DPP6: variants seen among roughly 807,000 people sequenced by gnomAD.
DPP6 encodes the protein A-type potassium channel modulatory protein DPP6.
Under a neutral mutation model 122.6 loss-of-function variants are expected in DPP6, and 69 were observed. The ratio of observed to expected loss-of-function variants is 0.56; its 90% confidence interval spans 0.46 to 0.69. The LOEUF (loss-of-function observed/expected upper bound fraction) is 0.69. Among genes scored for constraint, DPP6 ranks in the 30% least tolerant of loss-of-function variants. The probability of loss-of-function intolerance (pLI) is 0.00; values close to 1 mark genes in which losing one functional copy is unlikely to be tolerated. For synonymous variants in DPP6, 418 were observed against 433.1 expected (o/e 0.97, Z 0.43); for missense variants, 928 against 1,116.9 (o/e 0.83, Z 2.41).
At chr7:154,005,401 AAC>A (rs1797870457) in intron 1 of DPP6, among the ~76,000 whole-genome samples, 1 of 152,056 alleles carries the variant, frequency 6.6e-6, no homozygotes, top group African/African-American at 2.4e-5. Flanking sequence ...AGAAAGGTCG[AAC>A]GCTTGGTGGT....
rs868793608 is a variant in DPP6 at position 154,017,515 on chromosome 7, C to T, written c.51+129781C>T. On this transcript the variant is annotated intron_variant, in intron 1 of 25. Coordinates refer to the DPP6 transcript ENST00000404039. Reference sequence around the variant, plus strand: ...TGAGACCAGCCTGGACAACATAGTACGGGCCTGTCTCTACAAAAAAAGAAA... The same window carrying T: ...TGAGACCAGCCTGGACAACATAGTATGGGCCTGTCTCTACAAAAAAAGAAA... Among the ~76,000 whole-genome samples, 97 of 151,558 alleles carry T rather than the reference C, an allele frequency of 6.4e-4. 1 individual carries two copies. The highest frequency in any genetic ancestry group is 2.5e-3 in the South Asian group (12 of 4,788).
At chr7:154,039,411 T>TG (rs1406081812) in intron 1 of DPP6, among the ~76,000 whole-genome samples, 1 of 111,422 alleles carries the variant, frequency 9.0e-6, no homozygotes, top group Non-Finnish European at 1.7e-5. Flanking sequence ...CATCTGAGGC[T>TG]GCTCTCCAAG....
chr7:154,020,819 A>G (rs1230850577), intron 1 of DPP6, among the ~76,000 whole-genome samples: 1 of 152,106 alleles, frequency 6.6e-6, no homozygotes, highest in African/African-American at 2.4e-5. Flanking sequence ...GCGGCAAGAG[A>G]AACATGAGGC....
At chr7:154,207,555 TG>T (rs1171802852) in intron 1 of DPP6, among the ~76,000 whole-genome samples, 3 of 152,220 alleles carry the variant, frequency 2.0e-5, no homozygotes, top group Non-Finnish European at 2.9e-5. Flanking sequence ...CTGCTGAGGC[TG>T]CATAGTTGCT....
intron 8 of DPP6, among the ~76,000 whole-genome samples, chr7:154,766,385 T>C (rs778927050): frequency 6.6e-6 from 1 of 152,148 alleles, no homozygotes; most frequent in Non-Finnish European, 1.5e-5. Flanking sequence ...TGGCAAGATC[T>C]CGGCTCACCG....
chr7:154,595,354 G>A (rs1032594088), intron 5 of DPP6, among the ~76,000 whole-genome samples: 6 of 152,256 alleles, frequency 3.9e-5, no homozygotes, highest in East Asian at 1.9e-4. Context: ...ATGCATGCCC[G>A]TGTTCCTGCC....
intron 1 of DPP6, among the ~76,000 whole-genome samples, chr7:154,278,135 C>T (rs1263926575): frequency 1.3e-5 from 2 of 152,166 alleles, no homozygotes; most frequent in Non-Finnish European, 2.9e-5. Flanking sequence ...TTCTGTGGAC[C>T]TGGGAGGGAG....
At chr7:154,747,552 T>G (rs1843091862) in intron 8 of DPP6, among the ~76,000 whole-genome samples, 1 of 152,218 alleles carries the variant, frequency 6.6e-6, no homozygotes, top group South Asian at 2.1e-4. Context: ...ATTGTGCGAA[T>G]CGCCATACTG....
chr7:154,310,168 GGGTCCTT>G (rs2150995914), intron 1 of DPP6, among the ~76,000 whole-genome samples: 1 of 152,326 alleles, frequency 6.6e-6, no homozygotes, highest in African/African-American at 2.4e-5. Flanking sequence ...ACACCAGAGT[GGGTCCTT>G]GAGCTGATGG....
intron 1 of DPP6, among the ~76,000 whole-genome samples, chr7:154,089,273 C>A (rs1054790457): frequency 6.7e-6 from 1 of 150,234 alleles, no homozygotes; most frequent in Non-Finnish European, 1.5e-5. Context: ...TGATTTTTTT[C>A]TTTCGTTTAA....
In DPP6 at chr7:154,854,614, A is replaced by C. The variant is rs138159610; in HGVS notation, c.1714+787A>C. Reference sequence around the variant, plus strand: ...TGCAGGCCGAAGACAGGTTAGGATCAAGGTTGAAGCCTGGTCAAGAAGAGG... The same window carrying C: ...TGCAGGCCGAAGACAGGTTAGGATCCAGGTTGAAGCCTGGTCAAGAAGAGG... On this transcript the variant is annotated intron_variant, in intron 17 of 25. Coordinates refer to ENST00000377770, the MANE Select transcript of DPP6 (RefSeq NM_130797.4). 2.4e-3 allele frequency among the ~76,000 whole-genome samples: 370 copies of C among 152,352 alleles called. 3 individuals carry two copies. Among genetic ancestry groups the C allele is most frequent in the African/African-American group, 8.6e-3 (358 of 41,582 alleles).
At chr7:154,250,407 G>A (rs1040719981) in intron 1 of DPP6, among the ~76,000 whole-genome samples, 4 of 152,146 alleles carry the variant, frequency 2.6e-5, no homozygotes, top group Admixed American at 2.0e-4. Context: ...GGGAGGGCGT[G>A]TGGGTGCGTG....
chr7:154,809,245 T>C (rs1215444241), intron 16 of DPP6, among the ~76,000 whole-genome samples: 1 of 151,650 alleles, frequency 6.6e-6, no homozygotes, highest in Non-Finnish European at 1.5e-5. Flanking sequence ...ATACAGGGTT[T>C]CTTTTTTTAA....
intron 2 of DPP6, among the ~76,000 whole-genome samples, chr7:154,462,295 G>T (rs1437224480): frequency 6.6e-6 from 1 of 152,102 alleles, no homozygotes; most frequent in Non-Finnish European, 1.5e-5. Flanking sequence ...CAGATAATAT[G>T]ATTCATCCAG....
intron 1 of DPP6, among the ~76,000 whole-genome samples, chr7:154,304,371 A>G (rs1012891646): frequency 2.6e-5 from 4 of 152,192 alleles, no homozygotes; most frequent in African/African-American, 9.6e-5. Context: ...CGCTCTACCC[A>G]CTAACTGACT....
rs557546287 is a variant in DPP6, at chr7:154,008,064, G to A, written c.51+120330G>A. Among the ~76,000 whole-genome samples, 11 of 152,178 alleles carry A rather than the reference G, an allele frequency of 7.2e-5. No homozygotes were observed. The South Asian group carries it at 8.3e-4, about 11-fold the overall frequency. On this transcript the variant is annotated intron_variant, in intron 1 of 25. Transcript: ENST00000404039. ...GTAGTTTCCACCACTATTAATGACC[G>A]TAAGGCAATGAATCTAAATAGTGAA...
Position 154,194,163 on chromosome 7 carries a change from G to C in DPP6, c.243+141100G>C, listed in dbSNP as rs770083823. On this transcript the variant is annotated intron_variant, in intron 1 of 25. Transcript: ENST00000377770. ...CACTGTGAAACCCGTCCCATTTCCA[G>C]GTGCCGTCACTGTTGGTATAGCTTG... is the stretch of plus-strand genomic sequence containing the variant. Among the ~76,000 whole-genome samples, 7 of 152,092 alleles carry C rather than the reference G, an allele frequency of 4.6e-5. 1 individual carries two copies. Among genetic ancestry groups the C allele is most frequent in the Non-Finnish European group, 8.8e-5 (6 of 68,036 alleles).
the DPP6 span, among the ~76,000 whole-genome samples, chr7:153,844,142 G>C: frequency 1.3e-5 from 2 of 152,084 alleles, no homozygotes; most frequent in South Asian, 4.1e-4. Context: ...ATCACCCGCT[G>C]TTGGCTCATT....
intron 6 of DPP6, among the ~76,000 whole-genome samples, chr7:154,654,155 CA>C (rs973457632): frequency 6.6e-6 from 1 of 152,044 alleles, no homozygotes; most frequent in African/African-American, 2.4e-5. Flanking sequence ...ACATTATATG[CA>C]AATACCACAC....
Sources: allele counts gnomAD v4.1 joint callset (sites outside exome capture counted in the v4.1 genomes callset), GRCh38; gene constraint gnomAD v4.1.1; transcripts MANE v1.5; gene names NCBI Gene and HGNC (gene_info 2026-07-23, HGNC 2026-07-21).